ABHD2: variants seen among roughly 807,000 people sequenced by gnomAD.
ABHD2 encodes the protein abhydrolase domain containing 2, acylglycerol lipase.
In ABHD2, 20 loss-of-function variants were observed where a neutral mutation model predicts 48.1. The ratio of observed to expected loss-of-function variants is 0.42; its 90% confidence interval spans 0.29 to 0.60. The LOEUF (loss-of-function observed/expected upper bound fraction) is 0.60, where lower values mean the gene tolerates loss of function less well. Among genes scored for constraint, ABHD2 ranks in the 20% least tolerant of loss-of-function variants. ABHD2 has a pLI of 0.24. For missense variants in ABHD2, 405 were observed against 550.9 expected (o/e 0.74, Z 2.65); for synonymous variants, 209 against 214.2 (o/e 0.98, Z 0.21).
At position 89,175,793 on chromosome 15, in the gene ABHD2, C is replaced by G. The variant is rs775540935; in HGVS notation, c.539-19C>G. 1 of 1,613,820 alleles carries G rather than the reference C, an allele frequency of 6.2e-7. No homozygotes were observed. On this transcript the variant is annotated intron_variant, in intron 5 of 10. Transcript: ENST00000352732. This position sits in a 1 kb window ranked among gnomAD's most constrained non-coding sequence, Gnocchi z 5.7. ...GATGCACCTGAAATGATTGAGCAAT[C>G]TCACCCTTTTGCCCACAGGCTGCAC...
At chr15:89,089,714 T>A (rs1289292897) in intron 1 of ABHD2, among the ~76,000 whole-genome samples, 1 of 151,826 alleles carries the variant, frequency 6.6e-6, no homozygotes, top group Non-Finnish European at 1.5e-5. Flanking sequence ...TTAAGCAGAG[T>A]CCAAAAGAGA....
the ABHD2 span, among the ~76,000 whole-genome samples, chr15:89,077,193 C>T: frequency 6.6e-6 from 1 of 152,174 alleles, no homozygotes; most frequent in African/African-American, 2.4e-5. Flanking sequence ...GTGACTTTTT[C>T]ACACCACAGC....
chr15:89,099,594 C>A (rs1314650666), intron 1 of ABHD2, among the ~76,000 whole-genome samples: 2 of 152,062 alleles, frequency 1.3e-5, no homozygotes, highest in African/African-American at 4.8e-5. Context: ...GCCTGGGTAA[C>A]AGAGCAAGAC....
the ABHD2 span, among the ~76,000 whole-genome samples, chr15:89,056,741 A>G: frequency 6.6e-6 from 1 of 152,132 alleles, no homozygotes; most frequent in Non-Finnish European, 1.5e-5. Flanking sequence ...ACTTATTACA[A>G]CATGACCTTG....
rs1411123184 is a variant in ABHD2 at position 89,179,507 on chromosome 15, T to A, written c.722+3512T>A. Reference sequence around the variant, plus strand: ...TCTGATGATCTGTCGCTGTCTCCCATCACCCCCAGATGGGACTGTCTAGTT... The same window carrying A: ...TCTGATGATCTGTCGCTGTCTCCCAACACCCCCAGATGGGACTGTCTAGTT... On this transcript the variant is annotated intron_variant, in intron 6 of 10. Coordinates refer to ENST00000352732, the MANE Select transcript of ABHD2 (RefSeq NM_152924.5). The surrounding 1 kb of genome is among the most constrained non-coding windows in gnomAD (Gnocchi z 4.3). Among the ~76,000 whole-genome samples the A allele has an allele frequency of 1.3e-5, 2 of 152,196 alleles. No homozygotes were observed. Among genetic ancestry groups the A allele is most frequent in the Admixed American group, 1.3e-4 (2 of 15,276 alleles).
the ABHD2 span, among the ~76,000 whole-genome samples, chr15:89,065,845 TC>T: frequency 6.6e-6 from 1 of 152,188 alleles, no homozygotes; most frequent in African/African-American, 2.4e-5. Flanking sequence ...AAGGAAGACT[TC>T]CTTGGTAATT....
At position 89,199,042 on chromosome 15, in the gene ABHD2, G is replaced by C. The variant is rs1469996478; in HGVS notation, c.*3619G>C. The stretch of plus-strand genomic sequence containing the variant: ...AGGCAGAGCATTGAGAATTCCCAGG[G>C]CAGAAATCCTTCCTGCTCAGGCTTT... On this transcript the variant is annotated 3_prime_UTR_variant, in exon 11 of 11. Transcript: ENST00000352732. This position sits in a 1 kb window ranked among gnomAD's most constrained non-coding sequence, Gnocchi z 4.1. The C allele has an allele frequency of 1.3e-5, 2 of 152,086 alleles. No homozygotes were observed. Among genetic ancestry groups the C allele is most frequent in the African/African-American group, 4.8e-5 (2 of 41,380 alleles). 9.4% of individuals were successfully genotyped at this position (152,086 alleles called of 1,614,324 possible).
Position 89,104,569 on chromosome 15 carries a change from A to C in ABHD2, c.-106-9156A>C, listed in dbSNP as rs1313279620. Among the ~76,000 whole-genome samples, 1 of 152,212 alleles carries C rather than the reference A, an allele frequency of 6.6e-6. No individual in the cohort carries two copies. The highest frequency in any genetic ancestry group is 1.5e-5 in the Non-Finnish European group (1 of 68,034). Reference sequence around the variant, plus strand: ...TCCCAGTCGGCGTTGGGAAACCAGAACGCTCAGGAACGGTGAGTCCCAGTT... The same window carrying C: ...TCCCAGTCGGCGTTGGGAAACCAGACCGCTCAGGAACGGTGAGTCCCAGTT... On this transcript the variant is annotated intron_variant, in intron 1 of 10. Transcript: ENST00000352732. The surrounding 1 kb of genome is among the most constrained non-coding windows in gnomAD (Gnocchi z 4.4).
At chr15:89,148,210 C>A (rs879926159) in intron 3 of ABHD2, among the ~76,000 whole-genome samples, 4 of 150,678 alleles carry the variant, frequency 2.7e-5, no homozygotes, top group Non-Finnish European at 5.9e-5. Context: ...TAGATAATGG[C>A]TTAATGTAGG....
In ABHD2 at chr15:89,195,483, CCT is replaced by C. The variant is rs376216745; in HGVS notation, c.*61_*62del. The C allele has an allele frequency of 7.2e-5, 111 of 1,547,980 alleles. No homozygotes were observed. The East Asian group carries it at 9.9e-4, about 14-fold the overall frequency. ...CTCTGGAAGCTGCGTCCCCTCACCC[CCT>C]GTTTCAGGTCTCCCATCTCCCTCAG... On this transcript the variant is annotated 3_prime_UTR_variant, in exon 11 of 11. Coordinates refer to ENST00000352732, the MANE Select transcript of ABHD2 (RefSeq NM_152924.5). This position sits in a 1 kb window ranked among gnomAD's most constrained non-coding sequence, Gnocchi z 5.1.
intron 5 of ABHD2, among the ~76,000 whole-genome samples, chr15:89,162,389 AT>A (rs1187878071): frequency 2.0e-5 from 3 of 152,098 alleles, no homozygotes; most frequent in African/African-American, 4.8e-5. Flanking sequence ...CCTTCCACGC[AT>A]TTTTAATAGG....
chr15:89,075,035 G>A, the ABHD2 span, among the ~76,000 whole-genome samples: 2 of 152,126 alleles, frequency 1.3e-5, no homozygotes, highest in Non-Finnish European at 2.9e-5. This position sits in a 1 kb window ranked among gnomAD's most constrained non-coding sequence, Gnocchi z 4.1. Flanking sequence ...AAAAGTGTTT[G>A]AATGGCCAAA....
rs1156633730 is a variant in ABHD2 at position 89,174,567 on chromosome 15, T to TC, written c.539-1240dup. ...TTTACCCCAGGCTCAAAAGATACTT[T>TC]CCCCCATGGCTTGATGATTAGGGAA... On this transcript the variant is annotated intron_variant, in intron 5 of 10. Coordinates refer to ENST00000352732, the MANE Select transcript of ABHD2 (RefSeq NM_152924.5). This position sits in a 1 kb window ranked among gnomAD's most constrained non-coding sequence, Gnocchi z 4.1. Among the ~76,000 whole-genome samples the TC allele has an allele frequency of 1.3e-5, 2 of 152,142 alleles. No homozygotes were observed. Among genetic ancestry groups the TC allele is most frequent in the Non-Finnish European group, 2.9e-5 (2 of 68,012 alleles).
rs1048861742 is a variant in ABHD2 at position 89,094,810 on chromosome 15, C to T, written c.-107+6247C>T. On this transcript the variant is annotated intron_variant, in intron 1 of 10. Transcript: ENST00000352732. This position sits in a 1 kb window ranked among gnomAD's most constrained non-coding sequence, Gnocchi z 4.7. The stretch of plus-strand genomic sequence containing the variant: ...GGGTGCGGTGGCTCACACCTGTAAT[C>T]CCAGTACTTTGAGAGGCCGAGGCAG... 2.0e-5 allele frequency among the ~76,000 whole-genome samples: 3 copies of T among 148,588 alleles called. No individual in the cohort carries two copies. Among genetic ancestry groups the T allele is most frequent in the Non-Finnish European group, 4.5e-5 (3 of 67,110 alleles).
intron 1 of ABHD2, among the ~76,000 whole-genome samples, chr15:89,105,064 T>G (rs541926427): frequency 1.3e-5 from 2 of 152,350 alleles, no homozygotes; most frequent in South Asian, 4.1e-4. Context: ...GATTTTTTTG[T>G]TTGTTCTCAG....
chr15:89,099,781 G>A (rs2049671576), intron 1 of ABHD2, among the ~76,000 whole-genome samples: 2 of 152,022 alleles, frequency 1.3e-5, no homozygotes, highest in Admixed American at 6.6e-5. Flanking sequence ...GTGCACACCT[G>A]TGGTCCCAGC....
intron 3 of ABHD2, among the ~76,000 whole-genome samples, chr15:89,144,145 T>A (rs1428571972): frequency 6.6e-6 from 1 of 152,210 alleles, no homozygotes; most frequent in Non-Finnish European, 1.5e-5. Flanking sequence ...CTTTTTTCTT[T>A]TTTTTTGAGA....
chr15:89,187,187 A>G (rs931938190), intron 7 of ABHD2, among the ~76,000 whole-genome samples: 4 of 152,236 alleles, frequency 2.6e-5, no homozygotes, highest in Admixed American at 2.0e-4. Context: ...GACTCCTCCC[A>G]GGAAACATTT....
chr15:89,121,277 A>G (rs2050046635), intron 3 of ABHD2, among the ~76,000 whole-genome samples: 1 of 152,158 alleles, frequency 6.6e-6, no homozygotes, highest in South Asian at 2.1e-4. Flanking sequence ...CAGCACGGAC[A>G]TCTTCTGATT....
Sources: allele counts gnomAD v4.1 joint callset (sites outside exome capture counted in the v4.1 genomes callset), GRCh38; gene constraint gnomAD v4.1.1; non-coding constraint Gnocchi (gnomAD v3.1); transcripts MANE v1.5; gene names NCBI Gene and HGNC (gene_info 2026-07-23, HGNC 2026-07-21).